The following HIVEP3 variants were observed in gnomAD, a reference collection of about 807,000 sequenced individuals.
HIVEP3 encodes transcription factor HIVEP3.
HIVEP3 carries 49 observed loss-of-function variants against 152.8 expected under a neutral mutation model. The ratio of observed to expected loss-of-function variants is 0.32; its 90% CI spans 0.26 to 0.41. The LOEUF is 0.41. HIVEP3 is among the 10% of genes least tolerant of loss of function. The pLI is 1.00. For synonymous variants in HIVEP3, 1,269 were observed against 1,289.0 expected, an observed-to-expected ratio of 0.98 and a Z score of 0.33; for missense variants, 2,790 against 3,103.3, an observed-to-expected ratio of 0.90 and a Z score of 2.40.
chr1:41,728,058 G>T (rs1273119886), intron 1 of HIVEP3, among the ~76,000 whole-genome samples: 1 of 152,138 alleles, frequency 6.6e-6, no homozygotes, highest in Non-Finnish European at 1.5e-5. Context: ...ATGCATCAAC[G>T]CTTGCTGGTC....
At chr1:41,622,495 G>A (rs183489635) in intron 3 of HIVEP3, among the ~76,000 whole-genome samples, 5 of 152,278 alleles carry the variant, frequency 3.3e-5, no homozygotes, top group East Asian at 1.9e-4. Context: ...AAATCCAGCC[G>A]GCTGCCTGTT....
intron 1 of HIVEP3, among the ~76,000 whole-genome samples, chr1:41,827,786 T>C (rs1642846295): frequency 6.6e-6 from 1 of 152,128 alleles, no homozygotes; most frequent in Non-Finnish European, 1.5e-5. Context: ...AAATCATTGA[T>C]CCAAATTCAC....
At chr1:41,861,170 A>G (rs685989) in intron 1 of HIVEP3, among the ~76,000 whole-genome samples, 90,349 of 151,988 alleles carry the variant, frequency 0.59, 28,056 homozygotes, top group African/African-American at 0.76. Context: ...AAACTCCTAC[A>G]CCATGCTCCA....
chr1:42,029,822 C>A (rs1185305788), intron 1 of HIVEP3, among the ~76,000 whole-genome samples: 9 of 152,132 alleles, frequency 5.9e-5, no homozygotes, highest in Non-Finnish European at 1.3e-4. Context: ...TACAACACAA[C>A]ACTGAGTCAA....
At chr1:41,737,554 C>T (rs1332632538) in intron 1 of HIVEP3, among the ~76,000 whole-genome samples, 1 of 152,186 alleles carries the variant, frequency 6.6e-6, no homozygotes, top group Non-Finnish European at 1.5e-5. Context: ...TCTGTTGTCC[C>T]ACCAGCTGCT....
chr1:42,026,862 G>A (rs1433719724), intron 1 of HIVEP3, among the ~76,000 whole-genome samples: 2 of 152,200 alleles, frequency 1.3e-5, no homozygotes, highest in East Asian at 3.9e-4. Context: ...TTCATGTCAG[G>A]GTGGACTTTT....
At chr1:41,955,327 T>G (rs1645134791) in intron 1 of HIVEP3, among the ~76,000 whole-genome samples, 1 of 152,212 alleles carries the variant, frequency 6.6e-6, no homozygotes, top group African/African-American at 2.4e-5. Context: ...CTCTGTGGGT[T>G]ATGAATTGGT....
chr1:41,907,743 C>T (rs1490440895), intron 1 of HIVEP3, among the ~76,000 whole-genome samples: 1 of 152,142 alleles, frequency 6.6e-6, no homozygotes, highest in Non-Finnish European at 1.5e-5. Context: ...TGGCAGTAAA[C>T]CACATCAGAG....
At chr1:41,627,205 G>A (rs940049021) in intron 3 of HIVEP3, among the ~76,000 whole-genome samples, 4 of 152,206 alleles carry the variant, frequency 2.6e-5, no homozygotes, top group African/African-American at 7.2e-5. Flanking sequence ...ACGTTTGGGA[G>A]GTCCTTGTTA....
chr1:41,634,965 A>AGATG, intron 2 of HIVEP3, among the ~76,000 whole-genome samples: 1 of 152,218 alleles, frequency 6.6e-6, no homozygotes, highest in Non-Finnish European at 1.5e-5. Flanking sequence ...AAGGGTTTGA[A>AGATG]GATGTAGTTA....
chr1:41,699,148 G>T (rs1156472344), intron 2 of HIVEP3, among the ~76,000 whole-genome samples: 1 of 152,236 alleles, frequency 6.6e-6, no homozygotes, highest in African/African-American at 2.4e-5. Context: ...GGGAAGCCCC[G>T]AAAGTAAGTG....
intron 2 of HIVEP3, among the ~76,000 whole-genome samples, chr1:41,656,376 A>G (rs1227272053): frequency 1.3e-5 from 2 of 152,338 alleles, no homozygotes; most frequent in Non-Finnish European, 2.9e-5. Context: ...GGAACTGGCA[A>G]ATGACACACA....
chr1:41,742,372 A>C (rs777808099), intron 1 of HIVEP3, among the ~76,000 whole-genome samples: 2 of 152,226 alleles, frequency 1.3e-5, no homozygotes, highest in Non-Finnish European at 2.9e-5. Flanking sequence ...CAGCTTCCGC[A>C]TACTCTGCTG....
intron 2 of HIVEP3, among the ~76,000 whole-genome samples, chr1:41,635,489 T>TATATAC (rs151222285): frequency 3.7e-4 from 55 of 147,440 alleles, no homozygotes; most frequent in African/African-American, 1.2e-3. Flanking sequence ...TATATATATA[T>TATATAC]ACACACACAT....
intron 1 of HIVEP3, among the ~76,000 whole-genome samples, chr1:41,955,336 G>C (rs1645134839): frequency 6.6e-6 from 1 of 152,158 alleles, no homozygotes; most frequent in African/African-American, 2.4e-5. Flanking sequence ...TTATGAATTG[G>C]TTCCCTCCTA....
intron 1 of HIVEP3, among the ~76,000 whole-genome samples, chr1:41,815,854 C>G (rs902219716): frequency 2.6e-5 from 4 of 151,940 alleles, no homozygotes; most frequent in African/African-American, 9.7e-5. Flanking sequence ...ACTGCAACCC[C>G]TGCCTCCTGG....
chr1:41,731,019 C>T (rs1183585309), intron 1 of HIVEP3, among the ~76,000 whole-genome samples: 2 of 152,144 alleles, frequency 1.3e-5, no homozygotes, highest in African/African-American at 2.4e-5. Flanking sequence ...TCCTCTGTGG[C>T]GTCTCTGACC....
chr1:41,828,220 G>A (rs1642858502), intron 1 of HIVEP3, among the ~76,000 whole-genome samples: 1 of 152,140 alleles, frequency 6.6e-6, no homozygotes, highest in Non-Finnish European at 1.5e-5. Flanking sequence ...AGCCCTGGGT[G>A]GCCACCCAGT....
upstream of HIVEP3, among the ~76,000 whole-genome samples, chr1:41,919,487 G>T (rs541093575): frequency 6.6e-6 from 1 of 152,186 alleles, no homozygotes; most frequent in Non-Finnish European, 1.5e-5. Flanking sequence ...TATTTCTAAA[G>T]TCGAACATAA....
Sources: allele counts gnomAD v4.1 joint callset (sites outside exome capture counted in the v4.1 genomes callset), GRCh38; gene constraint gnomAD v4.1.1; transcripts MANE v1.5; gene names NCBI Gene and HGNC (gene_info 2026-07-23, HGNC 2026-07-21).